Variants in NDUFA5 observed in about 807,000 individuals in gnomAD.
NDUFA5 encodes the protein NADH dehydrogenase [ubiquinone] 1 alpha subcomplex subunit 5.
In NDUFA5, 11 loss-of-function variants were observed where a neutral mutation model predicts 19.8. The observed-to-expected ratio is 0.56, with a 90% CI of 0.35 to 0.92. The LOEUF is 0.92. Ranked by LOEUF, NDUFA5 falls within the 40% of genes least tolerant of loss-of-function variation. The pLI is 0.01. For synonymous variants in NDUFA5, 47 were observed against 46.8 expected (o/e 1.00, Z -0.01); for missense variants, 109 against 134.2 (o/e 0.81, Z 0.93).
chr7:123,562,880 C>A (rs1483818183), upstream of NDUFA5, among the ~76,000 whole-genome samples: 2 of 150,644 alleles, frequency 1.3e-5, no homozygotes, highest in African/African-American at 2.4e-5. Flanking sequence ...TCACTGCAAC[C>A]TTTGCCTCCC....
chr7:123,557,802 G>T lies in NDUFA5; in HGVS notation c.-7C>A. The T allele has an allele frequency of 6.2e-7, 1 of 1,613,810 alleles. No individual in the cohort carries two copies. The highest frequency in any genetic ancestry group is 8.5e-7 in the Non-Finnish European group (1 of 1,179,904). ...TCTTCAGCACACCCGCCATGACAGC[G>T]CCAACGACTCGGTGACGCACAACCC... is the stretch of plus-strand genomic sequence containing the variant. On this transcript the variant is annotated 5_prime_UTR_variant, in exon 1 of 5. Transcript: ENST00000355749.
intron 2 of NDUFA5, among the ~76,000 whole-genome samples, chr7:123,552,636 TAAA>T (rs774901648): frequency 1.8e-4 from 12 of 67,416 alleles, no homozygotes; most frequent in African/African-American, 4.3e-4. Flanking sequence ...AAAGTATAAC[TAAA>T]AAAAAAAAAA....
At chr7:123,597,929 T>C in the NDUFA5 span, among the ~76,000 whole-genome samples, 1 of 150,532 alleles carries the variant, frequency 6.6e-6, no homozygotes, top group Non-Finnish European at 1.5e-5. Flanking sequence ...TGTGTGTGTG[T>C]GTGTGTGTGT....
chr7:123,546,448 A>G (rs1458843012), intron 3 of NDUFA5, among the ~76,000 whole-genome samples: 2 of 152,204 alleles, frequency 1.3e-5, no homozygotes, highest in Non-Finnish European at 2.9e-5. Context: ...TTTGTAATGT[A>G]TATAATTATT....
chr7:123,556,907 A>T (rs1376727615), intron 2 of NDUFA5: 1 of 503,986 alleles, frequency 2.0e-6, no homozygotes. Flanking sequence ...TTATCTGTAA[A>T]GTGAAGCAAA....
chr7:123,601,330 G>T, the NDUFA5 span, among the ~76,000 whole-genome samples: 1 of 152,016 alleles, frequency 6.6e-6, no homozygotes, highest in East Asian at 1.9e-4. Context: ...GATCAGATTA[G>T]ATGTCACTGA....
At chr7:123,556,921 A>G in intron 2 of NDUFA5, 1 of 499,458 alleles carries the variant, frequency 2.0e-6, no homozygotes, top group South Asian at 1.5e-5. Context: ...AAGCAAAGAA[A>G]TGGTGTGATT....
chr7:123,573,155 A>G, the NDUFA5 span, among the ~76,000 whole-genome samples: 2 of 152,014 alleles, frequency 1.3e-5, no homozygotes, highest in Non-Finnish European at 2.9e-5. Context: ...TAATTCCATC[A>G]TTTATGTAAA....
rs938921172 is a variant in NDUFA5 at position 123,557,441 on chromosome 7, C to T, written c.29G>A (p.Gly10Asp). 6 of 1,612,358 alleles carry T rather than the reference C, an allele frequency of 3.7e-6. No individual in the cohort carries two copies. In the African/African-American group the frequency reaches 8.0e-5, roughly 22 times the overall value. MAGVLKKTTGLVGLAVCNTP... is the reference protein window; with the variant it reads MAGVLKKTTDLVGLAVCNTP... ...ATTGCACACAGCCAATCCCACAAGG[C>T]CAGTGGTCTGTTCAAAAACAAAACA... is the stretch of plus-strand genomic sequence containing the variant. The change falls in exon 2 of 5, where the codon GGC becomes GAC. Residue 10 changes from glycine (G) to aspartate (D), a missense_variant. By Grantham distance (94) the Gly-to-Asp change is moderately conservative. Coordinates refer to ENST00000355749, the MANE Select transcript of NDUFA5 (RefSeq NM_005000.5).
At position 123,545,643 on chromosome 7, in the gene NDUFA5, G is replaced by T; in HGVS notation, c.217C>A (p.Gln73Lys). The change falls in exon 4 of 5, where the codon CAA (glutamine) becomes AAA (lysine). Residue 73 changes from glutamine to lysine, a missense_variant. By Grantham distance (53) the Gln-to-Lys change is moderately conservative. Coordinates refer to ENST00000355749, the MANE Select transcript of NDUFA5 (RefSeq NM_005000.5). Reference protein sequence around the residue: ...PDVKKLEDQLQGGQLEEVILQ... With the variant: ...PDVKKLEDQLKGGQLEEVILQ... Reference sequence around the variant, plus strand: ...ATCACCTCTTCTAATTGACCGCCTTGAAGTTGGTCTTCTAATTTTTTAACA... The same window carrying T: ...ATCACCTCTTCTAATTGACCGCCTTTAAGTTGGTCTTCTAATTTTTTAACA... 1 of 1,610,204 alleles carries T rather than the reference G, an allele frequency of 6.2e-7. No individual in the cohort carries two copies.
At chr7:123,572,298 T>C in the NDUFA5 span, among the ~76,000 whole-genome samples, 2 of 151,486 alleles carry the variant, frequency 1.3e-5, no homozygotes, top group Non-Finnish European at 2.9e-5. Context: ...CGCGCCACCA[T>C]GCCCGCTTAA....
chr7:123,557,612 C>T (rs780403833), intron 1 of NDUFA5, 163 bp downstream of exon 1: 1 of 1,613,280 alleles, frequency 6.2e-7, no homozygotes. Context: ...ACTCTCGGAG[C>T]GGAACCACTA....
intron 4 of NDUFA5, among the ~76,000 whole-genome samples, chr7:123,544,143 A>G (rs1798038718): frequency 6.6e-6 from 1 of 152,198 alleles, no homozygotes; most frequent in East Asian, 1.9e-4. Context: ...TATAAGATGA[A>G]GACATTCTAA....
chr7:123,546,327 T>C (rs1313176854), intron 3 of NDUFA5, among the ~76,000 whole-genome samples: 1 of 152,084 alleles, frequency 6.6e-6, no homozygotes, highest in East Asian at 1.9e-4. Flanking sequence ...TTATATAAAA[T>C]TCAAAAACAG....
At chr7:123,543,419 CTAATA>C (rs1222482534) in intron 4 of NDUFA5, among the ~76,000 whole-genome samples, 1 of 152,046 alleles carries the variant, frequency 6.6e-6, no homozygotes, top group African/African-American at 2.4e-5. Flanking sequence ...ATGGGACTGT[CTAATA>C]TGTTAGCCAC....
At chr7:123,583,751 C>T in the NDUFA5 span, among the ~76,000 whole-genome samples, 1 of 151,788 alleles carries the variant, frequency 6.6e-6, no homozygotes, top group South Asian at 2.1e-4. Flanking sequence ...GTCTCTTTTC[C>T]TCATAACATC....
the NDUFA5 span, among the ~76,000 whole-genome samples, chr7:123,585,692 CA>C: frequency 6.6e-6 from 1 of 151,428 alleles, no homozygotes; most frequent in African/African-American, 2.4e-5. Flanking sequence ...ACTCTCTTAG[CA>C]AACTTTAAGT....
upstream of NDUFA5, among the ~76,000 whole-genome samples, chr7:123,558,699 T>G (rs1044881011): frequency 6.6e-6 from 1 of 152,186 alleles, no homozygotes; most frequent in African/African-American, 2.4e-5. Context: ...TTTATGTGAT[T>G]GGAAAGGTGG....
the NDUFA5 span, among the ~76,000 whole-genome samples, chr7:123,590,752 T>C: frequency 6.6e-5 from 10 of 152,332 alleles, no homozygotes; most frequent in East Asian, 1.9e-4. Flanking sequence ...AACTTTGTTC[T>C]ATTTGCTTAG....
Sources: gnomAD v4.1 joint callset for allele counts (sites outside exome capture counted in the v4.1 genomes callset) on GRCh38, gnomAD v4.1.1 for gene constraint, MANE v1.5 for transcripts, NCBI Gene and HGNC (gene_info 2026-07-23, HGNC 2026-07-21) for gene names.